The following HHIPL1 variants were observed in gnomAD, a reference collection of about 807,000 sequenced individuals.
HHIPL1 encodes the protein HHIP like 1, also known as HHIP-like protein 1.
A neutral mutation model predicts 61.8 loss-of-function variants in HHIPL1; 43 were observed. The observed-to-expected ratio is 0.70, with a 90% CI of 0.55 to 0.90. The LOEUF (loss-of-function observed/expected upper bound fraction) is 0.90. Among genes scored for constraint, HHIPL1 ranks in the 40% least tolerant of loss-of-function variants. HHIPL1 has a pLI of 0.00. For synonymous variants in HHIPL1, 482 were observed against 515.8 expected, an observed-to-expected ratio of 0.93 and a Z score of 0.89; for missense variants, 1,056 against 1,157.7, an observed-to-expected ratio of 0.91 and a Z score of 1.28.
chr14:99,668,997 G>A lies in HHIPL1; in HGVS notation c.1730+694G>A. 2 of 1,553,958 alleles carry A rather than the reference G, an allele frequency of 1.3e-6. No individual in the cohort carries two copies. Among genetic ancestry groups the A allele is most frequent in the Non-Finnish European group, 8.7e-7 (1 of 1,150,958 alleles). ...TGGGGCCCAGGCCACTGGCTCCAGA[G>A]CCCTGCCCTAACCCCTTGGCTGTGT... On this transcript the variant is annotated intron_variant, in intron 7 of 8. Coordinates refer to ENST00000330710, the MANE Select transcript of HHIPL1 (RefSeq NM_001127258.3). This position sits in a 1 kb window ranked among gnomAD's most constrained non-coding sequence, Gnocchi z 4.7.
the HHIPL1 span, among the ~76,000 whole-genome samples, chr14:99,629,442 C>A: frequency 6.6e-6 from 1 of 151,798 alleles, no homozygotes; most frequent in East Asian, 1.9e-4. Context: ...ACCTGGGAGG[C>A]GGGGGCAGGG....
At chr14:99,640,837 T>A (rs952656050), upstream of HHIPL1, among the ~76,000 whole-genome samples, 1 of 150,182 alleles carries the variant, frequency 6.7e-6, no homozygotes, top group Non-Finnish European at 1.5e-5. Context: ...CTGACCTATA[T>A]CATCTTCTTT....
chr14:99,640,440 A>G (rs1432950724), upstream of HHIPL1, among the ~76,000 whole-genome samples: 2 of 149,090 alleles, frequency 1.3e-5, no homozygotes, highest in Non-Finnish European at 3.0e-5. Flanking sequence ...GCACACCATC[A>G]CGCCAAGCTA....
upstream of HHIPL1, among the ~76,000 whole-genome samples, chr14:99,642,723 A>G (rs1001710495): frequency 2.6e-5 from 4 of 151,644 alleles, no homozygotes; most frequent in African/African-American, 4.8e-5. Flanking sequence ...ATGGGGTTTC[A>G]CCGTATTAGC....
the HHIPL1 span, among the ~76,000 whole-genome samples, chr14:99,637,213 AAAG>A: frequency 2.8e-4 from 27 of 95,020 alleles, no homozygotes; most frequent in African/African-American, 1.1e-3. Context: ...AGAAAGAAAG[AAAG>A]AAAGAAAGAA....
chr14:99,618,424 G>T, the HHIPL1 span, among the ~76,000 whole-genome samples: 2 of 152,322 alleles, frequency 1.3e-5, no homozygotes, highest in East Asian at 3.9e-4. Context: ...CTCGCCCAAG[G>T]AGTGAAATGT....
At position 99,660,242 on chromosome 14, in the gene HHIPL1, G is replaced by A. The variant is rs772137321; in HGVS notation, c.1376-38G>A. ...CTCCTGGCTGATGAACCTTCCCGCC[G>A]CTGGCTCACCGAAGCTTCTCTCCCT... On this transcript the variant is annotated intron_variant, in intron 4 of 8. Coordinates refer to ENST00000330710, the MANE Select transcript of HHIPL1 (RefSeq NM_001127258.3). The surrounding 1 kb of genome is among the most constrained non-coding windows in gnomAD (Gnocchi z 4.9). 6.2e-7 allele frequency: 1 copy of A among 1,610,516 alleles called. No homozygotes were observed. Among genetic ancestry groups the A allele is most frequent in the African/African-American group, 1.3e-5 (1 of 74,696 alleles).
the HHIPL1 span, among the ~76,000 whole-genome samples, chr14:99,620,669 G>A: frequency 6.6e-6 from 1 of 152,244 alleles, no homozygotes; most frequent in African/African-American, 2.4e-5. Context: ...GTCACTTGTG[G>A]GCAGTGGCCT....
chr14:99,661,686 T>C (rs960599998), intron 5 of HHIPL1, among the ~76,000 whole-genome samples: 12 of 152,174 alleles, frequency 7.9e-5, no homozygotes, highest in African/African-American at 2.2e-4. Context: ...CAAGCTAATC[T>C]TGAACTGGAC....
At position 99,678,271 on chromosome 14, in the gene HHIPL1, G is replaced by A. The variant is rs916213790; in HGVS notation, c.*2645G>A. 1 of 152,186 alleles carries A rather than the reference G, an allele frequency of 6.6e-6. No individual in the cohort carries two copies. Among genetic ancestry groups the A allele is most frequent in the African/African-American group, 2.4e-5 (1 of 41,446 alleles). The allele number at this position is 152,186 out of a possible 1,614,324, so 9.4% of individuals were successfully genotyped here. On this transcript the variant is annotated 3_prime_UTR_variant, in exon 9 of 9. Transcript: ENST00000330710. ...TCCTAACAGGCCACCCATCAGTACT[G>A]GTCCGTGGCCCAGGGTTTGGAGACC...
chr14:99,614,614 A>G, the HHIPL1 span, among the ~76,000 whole-genome samples: 1 of 152,196 alleles, frequency 6.6e-6, no homozygotes. Context: ...TCTGAGCTAC[A>G]TGAGGCACTT....
At chr14:99,606,737 G>A in the HHIPL1 span, among the ~76,000 whole-genome samples, 2 of 152,164 alleles carry the variant, frequency 1.3e-5, no homozygotes, top group African/African-American at 4.8e-5. Flanking sequence ...ACATCCTCAG[G>A]GTAGAACAAA....
chr14:99,636,989 GAAGAAAGAAAGAAGAAAGAAAGA>G, the HHIPL1 span, among the ~76,000 whole-genome samples: 18 of 86,122 alleles, frequency 2.1e-4, 1 homozygote, highest in East Asian at 6.7e-4. Context: ...AGGAAAGAAA[GAAGAAAGAAAGAAGAAAGAAAGA>G]AAGAAAGAAA....
At chr14:99,653,919 T>A (rs2055982424) in intron 2 of HHIPL1, among the ~76,000 whole-genome samples, 1 of 152,214 alleles carries the variant, frequency 6.6e-6, no homozygotes, top group African/African-American at 2.4e-5. Flanking sequence ...TCAGACGCAG[T>A]GGCTCACGCC....
chr14:99,621,382 C>T, the HHIPL1 span, among the ~76,000 whole-genome samples: 6 of 152,218 alleles, frequency 3.9e-5, no homozygotes, highest in South Asian at 2.1e-4. Context: ...GTCCTTACCA[C>T]CCCACCGCTG....
chr14:99,637,207 A>AGAAAGAAG, the HHIPL1 span, among the ~76,000 whole-genome samples: 1 of 78,536 alleles, frequency 1.3e-5, no homozygotes, highest in African/African-American at 4.8e-5. Context: ...AAAGGAAGAA[A>AGAAAGAAG]GAAAGAAAGA....
the HHIPL1 span, among the ~76,000 whole-genome samples, chr14:99,619,189 C>T: frequency 2.0e-5 from 3 of 152,146 alleles, no homozygotes; most frequent in African/African-American, 7.2e-5. Flanking sequence ...CGGTGGCTCA[C>T]ACCTGTAATC....
chr14:99,640,901 T>G (rs1451896544), upstream of HHIPL1, among the ~76,000 whole-genome samples: 3 of 145,580 alleles, frequency 2.1e-5, no homozygotes, highest in Non-Finnish European at 3.0e-5. Context: ...TTTTTTTTTT[T>G]TTTGAGATAG....
chr14:99,636,736 T>A, the HHIPL1 span, among the ~76,000 whole-genome samples: 1 of 151,690 alleles, frequency 6.6e-6, no homozygotes, highest in African/African-American at 2.4e-5. Context: ...GCATGTAATG[T>A]CAGCACTTTG....
Sources: gnomAD v4.1 joint callset for allele counts (sites outside exome capture counted in the v4.1 genomes callset) on GRCh38, gnomAD v4.1.1 for gene constraint, Gnocchi (gnomAD v3.1) non-coding constraint, MANE v1.5 for transcripts, NCBI Gene and HGNC (gene_info 2026-07-23, HGNC 2026-07-21) for gene names.